PLCB1: variants seen among roughly 807,000 people sequenced by gnomAD.
PLCB1 encodes 1-phosphatidylinositol 4,5-bisphosphate phosphodiesterase beta-1.
PLCB1 carries 46 observed loss-of-function variants against 161.8 expected under a neutral mutation model. That is an observed-to-expected ratio of 0.28 (90% CI 0.22 to 0.36). PLCB1 has a LOEUF of 0.36. Among genes scored for constraint, PLCB1 ranks in the 10% least tolerant of loss-of-function variants. The pLI, the probability that PLCB1 is intolerant of heterozygous loss-of-function variation, is 1.00. For synonymous variants in PLCB1, 517 were observed against 503.7 expected (o/e 1.03, Z -0.35); for missense variants, 1,016 against 1,472.5 (o/e 0.69, Z 5.07).
intron 24 of PLCB1, 36 bp from the exon 25 acceptor site, chr20:8,760,371 T>C (rs751867957): frequency 3.0e-6 from 4 of 1,347,068 alleles, no homozygotes; most frequent in Non-Finnish European, 4.2e-6. Flanking sequence ...ATTTAAAAAG[T>C]TGAAGAGGCT....
intron 2 of PLCB1, among the ~76,000 whole-genome samples, chr20:8,210,368 A>G (rs973222315): frequency 6.6e-6 from 1 of 152,132 alleles, no homozygotes; most frequent in Non-Finnish European, 1.5e-5. Flanking sequence ...ATGCCAAAAA[A>G]CATCATCAGT....
At chr20:8,621,166 C>T (rs59457099) in intron 3 of PLCB1, among the ~76,000 whole-genome samples, 2,865 of 152,226 alleles carry the variant, frequency 0.019, 93 homozygotes, top group African/African-American at 0.064. Flanking sequence ...TAATGCTTTT[C>T]ATGCTTTGTC....
intron 3 of PLCB1, among the ~76,000 whole-genome samples, chr20:8,614,338 A>G (rs186882097): frequency 1.8e-3 from 274 of 150,864 alleles, no homozygotes; most frequent in Non-Finnish European, 3.0e-3. Flanking sequence ...AATTATATAT[A>G]TATATACACA....
intron 3 of PLCB1, among the ~76,000 whole-genome samples, chr20:8,531,377 C>G (rs907191651): frequency 6.6e-6 from 1 of 151,908 alleles, no homozygotes; most frequent in South Asian, 2.1e-4. Flanking sequence ...TCCAAACCAA[C>G]TAGATTAAAT....
chr20:8,136,277 G>T (rs1443229172), intron 1 of PLCB1, among the ~76,000 whole-genome samples: 1 of 152,138 alleles, frequency 6.6e-6, no homozygotes, highest in East Asian at 1.9e-4. Context: ...GAATGCATAT[G>T]CATTGCTTTG....
intron 31 of PLCB1, chr20:8,801,904 T>G: frequency 1.6e-6 from 1 of 644,964 alleles, no homozygotes; most frequent in East Asian, 2.9e-5. Context: ...ACACTGGGGG[T>G]GTTGGAGCAG....
At chr20:8,491,647 G>C (rs975314373) in intron 3 of PLCB1, among the ~76,000 whole-genome samples, 1 of 152,142 alleles carries the variant, frequency 6.6e-6, no homozygotes, top group Non-Finnish European at 1.5e-5. Context: ...CTGGGATCCT[G>C]TACAGATCTT....
intron 27 of PLCB1, among the ~76,000 whole-genome samples, chr20:8,782,274 T>C (rs997683750): frequency 2.6e-5 from 4 of 152,202 alleles, no homozygotes; most frequent in Non-Finnish European, 5.9e-5. Context: ...CCTCTCTGTC[T>C]GCTCACAGAG....
In PLCB1 at chr20:8,760,407, G is replaced by A; in HGVS notation, c.2657G>A (p.Gly886Asp). The A allele has an allele frequency of 1.3e-6, 2 of 1,594,338 alleles. No homozygotes were observed. The highest frequency in any genetic ancestry group is 1.7e-6 in the Non-Finnish European group (2 of 1,162,930). Reference protein sequence around the residue: ...SQALHSQPAPGSVKAPAKTED... With the variant: ...SQALHSQPAPDSVKAPAKTED... The stretch of plus-strand genomic sequence containing the variant: ...ATTTATTTTATCTTTTATATTACAG[G>A]TTCTGTAAAGGCACCTGCCAAAACA... Residue 886 changes from glycine (G) to aspartate (D), a missense_variant and splice_region_variant, in exon 25 of 32, where the codon GGT (glycine) becomes GAT (aspartate). Transcript: ENST00000338037.
intron 3 of PLCB1, among the ~76,000 whole-genome samples, chr20:8,490,856 A>C (rs1259866968): frequency 7.1e-6 from 1 of 140,782 alleles, no homozygotes; most frequent in African/African-American, 3.0e-5. Flanking sequence ...GCTCATATAT[A>C]TAGGCATATA....
intron 12 of PLCB1, among the ~76,000 whole-genome samples, chr20:8,714,361 T>C (rs1186503416): frequency 2.0e-5 from 3 of 152,160 alleles, no homozygotes; most frequent in African/African-American, 7.2e-5. Flanking sequence ...CTGGAACATG[T>C]CGTCCCAGCA....
intron 10 of PLCB1, among the ~76,000 whole-genome samples, chr20:8,685,570 CAAAA>C (rs72078385): frequency 1.6e-5 from 2 of 121,614 alleles, no homozygotes. Context: ...ACTAAAAATA[CAAAA>C]AAAAAAAAAA....
chr20:8,636,693 G>C (rs1004584269), intron 4 of PLCB1, among the ~76,000 whole-genome samples: 24 of 152,164 alleles, frequency 1.6e-4, no homozygotes, highest in African/African-American at 5.1e-4. Context: ...TTCTGCATTT[G>C]CTAGACAAGA....
At chr20:8,142,946 C>T (rs2051418772) in intron 1 of PLCB1, among the ~76,000 whole-genome samples, 1 of 152,166 alleles carries the variant, frequency 6.6e-6, no homozygotes. Flanking sequence ...AGAAATACCT[C>T]ACCTTCTGCA....
intron 2 of PLCB1, among the ~76,000 whole-genome samples, chr20:8,263,646 G>C (rs6118140): frequency 6.6e-6 from 1 of 152,102 alleles, no homozygotes; most frequent in Non-Finnish European, 1.5e-5. Flanking sequence ...ATTGCTCCTA[G>C]GTACAAACTT....
At chr20:8,620,298 C>A (rs1297789187) in intron 3 of PLCB1, among the ~76,000 whole-genome samples, 1 of 152,058 alleles carries the variant, frequency 6.6e-6, no homozygotes, top group Non-Finnish European at 1.5e-5. Flanking sequence ...TATAATGATT[C>A]ATTTATTTCC....
intron 2 of PLCB1, among the ~76,000 whole-genome samples, chr20:8,223,795 A>G (rs1389724519): frequency 6.6e-6 from 1 of 152,160 alleles, no homozygotes; most frequent in Admixed American, 6.6e-5. Flanking sequence ...AATTTCCCCA[A>G]CCTGATTCAA....
At chr20:8,601,054 C>T (rs990412397) in intron 3 of PLCB1, among the ~76,000 whole-genome samples, 1 of 152,058 alleles carries the variant, frequency 6.6e-6, no homozygotes, top group East Asian at 1.9e-4. Context: ...CAGAAATCAC[C>T]CGTCTTCTGC....
chr20:8,547,937 T>C (rs1985615072), intron 3 of PLCB1, among the ~76,000 whole-genome samples: 2 of 152,172 alleles, frequency 1.3e-5, no homozygotes, highest in South Asian at 4.1e-4. Flanking sequence ...TCCCCTCTAC[T>C]GAGAATGCTT....
Sources: gnomAD v4.1 joint callset for allele counts (sites outside exome capture counted in the v4.1 genomes callset) on GRCh38, gnomAD v4.1.1 for gene constraint, MANE v1.5 for transcripts, NCBI Gene and HGNC (gene_info 2026-07-23, HGNC 2026-07-21) for gene names.